The following TASP1 variants were observed in gnomAD, a reference collection of about 807,000 sequenced individuals.
TASP1 encodes threonine aspartase 1.
In TASP1, 16 loss-of-function variants were observed where a neutral mutation model predicts 56.6. That is an observed-to-expected ratio of 0.28 (90% CI 0.19 to 0.43). The LOEUF is 0.43. Among genes scored for constraint, TASP1 ranks in the 20% least tolerant of loss-of-function variants. The pLI is 1.00. For synonymous variants in TASP1, 179 were observed against 184.2 expected (o/e 0.97, Z 0.23); for missense variants, 393 against 511.6 (o/e 0.77, Z 2.24).
chr20:13,163,303 G>T, the TASP1 span, among the ~76,000 whole-genome samples: 11 of 150,198 alleles, frequency 7.3e-5, no homozygotes, highest in Non-Finnish European at 1.3e-4. Context: ...GGGAGGCGGA[G>T]GTTGCAGTGA....
chr20:13,333,839 G>A, the TASP1 span, among the ~76,000 whole-genome samples: 7 of 152,116 alleles, frequency 4.6e-5, no homozygotes, highest in South Asian at 1.0e-3. Context: ...TTAGCCTTTC[G>A]TTGAAGACTA....
chr20:13,464,540 A>G (rs6033716), intron 11 of TASP1, among the ~76,000 whole-genome samples: 8,950 of 152,270 alleles, frequency 0.059, 373 homozygotes, highest in African/African-American at 0.12. Flanking sequence ...AACAAAATGT[A>G]GTATATACAT....
At chr20:13,181,257 C>T in the TASP1 span, among the ~76,000 whole-genome samples, 1 of 152,174 alleles carries the variant, frequency 6.6e-6, no homozygotes, top group Non-Finnish European at 1.5e-5. Flanking sequence ...CTCAGAATGT[C>T]CTTAGCAAGA....
At chr20:13,430,991 C>T (rs1320904871) in intron 12 of TASP1, among the ~76,000 whole-genome samples, 1 of 152,084 alleles carries the variant, frequency 6.6e-6, no homozygotes, top group Non-Finnish European at 1.5e-5. Flanking sequence ...CTGAAAACTG[C>T]TTGTGTGGTG....
intron 11 of TASP1, among the ~76,000 whole-genome samples, chr20:13,447,817 G>C (rs2043466571): frequency 6.6e-6 from 1 of 151,938 alleles, no homozygotes; most frequent in Admixed American, 6.6e-5. Flanking sequence ...GATCTTTATT[G>C]GGTACTTGTA....
chr20:13,251,305 T>A, the TASP1 span, among the ~76,000 whole-genome samples: 2 of 152,226 alleles, frequency 1.3e-5, no homozygotes, highest in African/African-American at 4.8e-5. Flanking sequence ...TCAGCTTTTA[T>A]TGTAAAAATG....
At chr20:13,198,850 CTTTCTTTCCTTCCTTCCTTCCTTCT>C in the TASP1 span, among the ~76,000 whole-genome samples, 1 of 128,538 alleles carries the variant, frequency 7.8e-6, no homozygotes, top group Non-Finnish European at 1.7e-5. Flanking sequence ...TTCTTTCTTT[CTTTCTTTCCTTCCTTCCTTCCTTCT>C]TTCCTTCCTT....
At chr20:13,135,772 G>A in the TASP1 span, among the ~76,000 whole-genome samples, 31 of 152,306 alleles carry the variant, frequency 2.0e-4, no homozygotes, top group Non-Finnish European at 3.8e-4. Flanking sequence ...CTCCATTGAC[G>A]AGTTCATTTC....
the TASP1 span, among the ~76,000 whole-genome samples, chr20:13,238,571 A>G: frequency 3.3e-5 from 5 of 152,346 alleles, no homozygotes; most frequent in Admixed American, 2.0e-4. Context: ...GCATTTCCAG[A>G]TACTAGAACT....
At chr20:13,187,002 G>A in the TASP1 span, among the ~76,000 whole-genome samples, 4 of 152,194 alleles carry the variant, frequency 2.6e-5, no homozygotes, top group African/African-American at 9.6e-5. Flanking sequence ...TGCAAGAAGA[G>A]ATGGGTAATG....
At chr20:13,443,109 C>G (rs2043282451) in intron 11 of TASP1, among the ~76,000 whole-genome samples, 1 of 152,150 alleles carries the variant, frequency 6.6e-6, no homozygotes, top group African/African-American at 2.4e-5. Flanking sequence ...GACCCTTCAG[C>G]ATTTTGCTGG....
the TASP1 span, among the ~76,000 whole-genome samples, chr20:13,378,477 G>C: frequency 6.6e-6 from 1 of 152,136 alleles, no homozygotes; most frequent in Non-Finnish European, 1.5e-5. Context: ...ATTTGCTGAG[G>C]AGTGTTTTAC....
At chr20:13,171,452 G>A in the TASP1 span, among the ~76,000 whole-genome samples, 1 of 151,938 alleles carries the variant, frequency 6.6e-6, no homozygotes, top group Non-Finnish European at 1.5e-5. Flanking sequence ...ATTTTTAAGC[G>A]ATGTATTAAT....
chr20:13,563,025 CACAT>C (rs1473218616), intron 7 of TASP1, among the ~76,000 whole-genome samples: 4 of 139,802 alleles, frequency 2.9e-5, no homozygotes, highest in Non-Finnish European at 4.6e-5. Context: ...TATATACACA[CACAT>C]ACATACGCAC....
chr20:13,461,587 TG>T (rs1281587132), intron 11 of TASP1, among the ~76,000 whole-genome samples: 4 of 152,190 alleles, frequency 2.6e-5, no homozygotes, highest in Non-Finnish European at 5.9e-5. Context: ...GTAGGCAATA[TG>T]GTCTATGTCA....
intron 10 of TASP1, among the ~76,000 whole-genome samples, chr20:13,499,668 T>C (rs918432597): frequency 1.2e-4 from 19 of 152,146 alleles, no homozygotes; most frequent in African/African-American, 4.1e-4. Flanking sequence ...AATGGAGTCT[T>C]TGATGCTGAA....
the TASP1 span, chr20:13,279,859 G>C: frequency 6.2e-7 from 1 of 1,613,942 alleles, no homozygotes; most frequent in Non-Finnish European, 8.5e-7. Flanking sequence ...TACAGCCCCA[G>C]GCCACCGGAC....
At chr20:13,373,456 GT>G in the TASP1 span, among the ~76,000 whole-genome samples, 263 of 143,378 alleles carry the variant, frequency 1.8e-3, 1 homozygote, top group East Asian at 4.3e-3. Flanking sequence ...AATTCTTTCA[GT>G]TTTTTTTTTT....
chr20:13,415,822 T>C (rs887805267), intron 13 of TASP1, among the ~76,000 whole-genome samples: 5 of 152,148 alleles, frequency 3.3e-5, no homozygotes, highest in African/African-American at 1.2e-4. Context: ...CTGGCTTCAG[T>C]GCTGACGTCC....
Sources: allele counts gnomAD v4.1 joint callset (sites outside exome capture counted in the v4.1 genomes callset), GRCh38; gene constraint gnomAD v4.1.1; transcripts MANE v1.5; gene names NCBI Gene and HGNC (gene_info 2026-07-23, HGNC 2026-07-21).